The following SH3RF1 variants were observed in gnomAD, a reference collection of about 807,000 sequenced individuals.
SH3RF1 encodes E3 ubiquitin-protein ligase SH3RF1.
In SH3RF1, 32 loss-of-function variants were observed where a neutral mutation model predicts 74.0. That is an observed-to-expected ratio of 0.43 (90% CI 0.33 to 0.58). SH3RF1 has a LOEUF of 0.58. SH3RF1 is among the 20% of genes least tolerant of loss of function. The pLI is 0.05. For synonymous variants in SH3RF1, 396 were observed against 439.6 expected (o/e 0.90, Z 1.24); for missense variants, 954 against 1,130.9 (o/e 0.84, Z 2.24).
chr4:169,159,611 T>C lies in SH3RF1; in HGVS notation c.394-2932A>G, dbSNP rs141865392. Among the ~76,000 whole-genome samples, 391 of 152,250 alleles carry C rather than the reference T, an allele frequency of 2.6e-3. 6 individuals are homozygous for C. Among genetic ancestry groups the C allele is most frequent in the Non-Finnish European group, 7.4e-4 (50 of 68,008 alleles). On this transcript the variant is annotated intron_variant, in intron 2 of 11. Coordinates refer to ENST00000284637, the MANE Select transcript of SH3RF1 (RefSeq NM_020870.4). Reference sequence around the variant, plus strand: ...CTGTTGTGAGGATTTAGTGAATTCATATATATAAGCCACACCTTAAATGAC... The same window carrying C: ...CTGTTGTGAGGATTTAGTGAATTCACATATATAAGCCACACCTTAAATGAC...
chr4:169,184,219 T>C (rs1734567048), intron 2 of SH3RF1, among the ~76,000 whole-genome samples: 1 of 152,250 alleles, frequency 6.6e-6, no homozygotes, highest in Non-Finnish European at 1.5e-5. Context: ...TCTTGCGGGA[T>C]GTCTGCATTT....
intron 2 of SH3RF1, among the ~76,000 whole-genome samples, chr4:169,213,096 G>C (rs1730407588): frequency 6.6e-6 from 1 of 152,140 alleles, no homozygotes. Flanking sequence ...GTTTCGTTTT[G>C]TAAGAGACTG....
At chr4:169,213,028 GT>G (rs1217044832) in intron 2 of SH3RF1, among the ~76,000 whole-genome samples, 3 of 152,186 alleles carry the variant, frequency 2.0e-5, no homozygotes, top group Non-Finnish European at 4.4e-5. Context: ...AAAGACATAA[GT>G]TTTCGACTAA....
chr4:169,218,325 TAC>T (rs1041907568), intron 2 of SH3RF1, among the ~76,000 whole-genome samples: 2 of 26,734 alleles, frequency 7.5e-5, no homozygotes, highest in Admixed American at 5.1e-4. Flanking sequence ...GAATATAGAA[TAC>T]AGATTATAGA....
intron 2 of SH3RF1, among the ~76,000 whole-genome samples, chr4:169,180,287 A>T (rs548561488): frequency 6.6e-6 from 1 of 152,358 alleles, no homozygotes; most frequent in South Asian, 2.1e-4. Context: ...GAAAACCTGT[A>T]CAGAAAAATG....
chr4:169,096,893 A>G (rs978949520), intron 11 of SH3RF1, among the ~76,000 whole-genome samples: 2 of 152,206 alleles, frequency 1.3e-5, no homozygotes, highest in African/African-American at 4.8e-5. Flanking sequence ...GTGTCAACCC[A>G]CTACTGATGG....
intron 4 of SH3RF1, among the ~76,000 whole-genome samples, chr4:169,153,426 G>A (rs1198771381): frequency 6.6e-6 from 1 of 152,096 alleles, no homozygotes; most frequent in Non-Finnish European, 1.5e-5. Flanking sequence ...TTTTTATACT[G>A]GGATTGTCTG....
At chr4:169,209,258 C>T (rs1411882358) in intron 2 of SH3RF1, among the ~76,000 whole-genome samples, 1 of 150,574 alleles carries the variant, frequency 6.6e-6, no homozygotes, top group Non-Finnish European at 1.5e-5. Context: ...CACTGCACTC[C>T]AGCCTGAGTG....
intron 4 of SH3RF1, among the ~76,000 whole-genome samples, chr4:169,149,043 T>C (rs1488499083): frequency 6.6e-6 from 1 of 152,188 alleles, no homozygotes; most frequent in Non-Finnish European, 1.5e-5. Flanking sequence ...ATGCAGGAAA[T>C]CTGCGTTTTT....
At chr4:169,214,693 A>G (rs535927844) in intron 2 of SH3RF1, among the ~76,000 whole-genome samples, 43 of 152,310 alleles carry the variant, frequency 2.8e-4, no homozygotes, top group African/African-American at 1.0e-3. Flanking sequence ...GTATATATAT[A>G]TAAGTATTCA....
chr4:169,186,987 C>G (rs1734615548), intron 2 of SH3RF1, among the ~76,000 whole-genome samples: 1 of 146,122 alleles, frequency 6.8e-6, no homozygotes, highest in Admixed American at 7.0e-5. Context: ...GCACTCCAGC[C>G]TGGGGACAGA....
intron 2 of SH3RF1, among the ~76,000 whole-genome samples, chr4:169,202,198 C>T (rs1464126780): frequency 2.0e-5 from 3 of 152,108 alleles, no homozygotes; most frequent in Non-Finnish European, 2.9e-5. Flanking sequence ...GGGCCTACTT[C>T]GTGTTCTTGG....
chr4:169,175,182 A>G (rs1245549846), intron 2 of SH3RF1, among the ~76,000 whole-genome samples: 1 of 152,182 alleles, frequency 6.6e-6, no homozygotes, highest in South Asian at 2.1e-4. Flanking sequence ...AACAACCCCC[A>G]GTCAGTCCAC....
chr4:169,207,473 A>G (rs1048961878), intron 2 of SH3RF1, among the ~76,000 whole-genome samples: 6 of 152,196 alleles, frequency 3.9e-5, no homozygotes, highest in Non-Finnish European at 8.8e-5. Flanking sequence ...ATTTCTGGAT[A>G]TTATACCATT....
At chr4:169,198,980 A>G (rs1473717861) in intron 2 of SH3RF1, among the ~76,000 whole-genome samples, 2 of 152,238 alleles carry the variant, frequency 1.3e-5, no homozygotes, top group Admixed American at 6.5e-5. Context: ...TGGAGCTTCT[A>G]AAGGAATACT....
At chr4:169,099,806 T>A (rs1167901259) in intron 11 of SH3RF1, among the ~76,000 whole-genome samples, 6 of 152,120 alleles carry the variant, frequency 3.9e-5, no homozygotes, top group Admixed American at 2.6e-4. Context: ...AAGTTCCCAG[T>A]GGGAGCAAAT....
intron 2 of SH3RF1, among the ~76,000 whole-genome samples, chr4:169,170,187 T>C (rs1470943680): frequency 6.6e-6 from 1 of 152,180 alleles, no homozygotes; most frequent in Non-Finnish European, 1.5e-5. Flanking sequence ...CCAAATGTTA[T>C]TTTGTTCTAA....
rs1184907421 is a variant in SH3RF1 at position 169,095,456 on chromosome 4, G to A, written c.*1063C>T. 2.0e-5 allele frequency: 3 copies of A among 152,696 alleles called. No individual in the cohort carries two copies. Among genetic ancestry groups the A allele is most frequent in the Middle Eastern group, 3.4e-3 (1 of 294 alleles). The allele number at this position is 152,696 out of a possible 1,614,324, so 9.5% of individuals were successfully genotyped here. ...CCATGCACAGTCTATATTACTGTGG[G>A]AATCCAGTAATACATGCAAGACGTG... On this transcript the variant is annotated 3_prime_UTR_variant, in exon 12 of 12. Coordinates refer to ENST00000284637, the MANE Select transcript of SH3RF1 (RefSeq NM_020870.4).
At chr4:169,200,054 C>CA (rs143810109) in intron 2 of SH3RF1, among the ~76,000 whole-genome samples, 6 of 150,278 alleles carry the variant, frequency 4.0e-5, no homozygotes, top group South Asian at 4.2e-4. Context: ...GGACTCCATC[C>CA]AAAAAAAAGG....
Sources: allele counts gnomAD v4.1 joint callset (sites outside exome capture counted in the v4.1 genomes callset), GRCh38; gene constraint gnomAD v4.1.1; transcripts MANE v1.5; gene names NCBI Gene and HGNC (gene_info 2026-07-23, HGNC 2026-07-21).